DARS1: variants seen among roughly 807,000 people sequenced by gnomAD.
The protein encoded by DARS1 is aspartyl-tRNA synthetase 1.
A neutral mutation model predicts 68.8 loss-of-function variants in DARS1; 51 were observed. The ratio of observed to expected loss-of-function variants is 0.74; its 90% CI spans 0.59 to 0.94. The LOEUF is 0.94. Among genes scored for constraint, DARS1 ranks in the 40% least tolerant of loss-of-function variants. DARS1 has a pLI of 0.00. For synonymous variants in DARS1, 203 were observed against 190.4 expected (o/e 1.07, Z -0.55); for missense variants, 607 against 597.3 (o/e 1.02, Z -0.17).
chr2:135,965,609 C>T (rs892195550), intron 3 of DARS1, among the ~76,000 whole-genome samples: 2 of 152,166 alleles, frequency 1.3e-5, no homozygotes, highest in African/African-American at 4.8e-5. Flanking sequence ...AATCGTAAAA[C>T]CGTTCCTTTA....
At chr2:135,915,638 C>G (rs1215700381) in intron 11 of DARS1, among the ~76,000 whole-genome samples, 1 of 151,914 alleles carries the variant, frequency 6.6e-6, no homozygotes, top group African/African-American at 2.4e-5. Context: ...GTCGTATGAT[C>G]TAAATTTAGA....
At chr2:135,952,560 C>G (rs567520443) in intron 4 of DARS1, among the ~76,000 whole-genome samples, 7 of 152,166 alleles carry the variant, frequency 4.6e-5, no homozygotes, top group African/African-American at 1.7e-4. Context: ...CTCCCTCATC[C>G]CCCTCTGCCC....
At chr2:135,961,638 T>C (rs898435807) in intron 3 of DARS1, 140 bp from the exon 4 acceptor site, 19 of 539,400 alleles carry the variant, frequency 3.5e-5, no homozygotes, top group Non-Finnish European at 4.7e-5. Context: ...ATACTATCCA[T>C]TTGGCTTCCA....
chr2:135,927,907 G>T (rs1054776222), intron 7 of DARS1, among the ~76,000 whole-genome samples: 1 of 152,206 alleles, frequency 6.6e-6, no homozygotes, highest in Middle Eastern at 3.4e-3. Flanking sequence ...GAAATAAAGG[G>T]AAAAACAATA....
intron 7 of DARS1, among the ~76,000 whole-genome samples, chr2:135,924,939 TACA>T (rs1681181827): frequency 6.6e-6 from 1 of 152,140 alleles, no homozygotes; most frequent in Non-Finnish European, 1.5e-5. Flanking sequence ...TTTTAACCAT[TACA>T]ACAATACAAT....
intron 15 of DARS1, among the ~76,000 whole-genome samples, chr2:135,907,868 A>G (rs1373061134): frequency 6.6e-6 from 1 of 152,188 alleles, no homozygotes; most frequent in Non-Finnish European, 1.5e-5. Context: ...CCCTACGATA[A>G]AAAGCTCTGG....
intron 4 of DARS1, among the ~76,000 whole-genome samples, chr2:135,959,789 G>C (rs1307121550): frequency 3.9e-5 from 6 of 152,170 alleles, no homozygotes; most frequent in Admixed American, 3.9e-4. Context: ...TCCACTGGAA[G>C]CTTTAGGAAT....
chr2:135,948,500 C>A (rs992265564), intron 4 of DARS1, among the ~76,000 whole-genome samples: 1 of 152,120 alleles, frequency 6.6e-6, no homozygotes, highest in African/African-American at 2.4e-5. Flanking sequence ...GACCAGAGCA[C>A]GTGCTAAATA....
Position 135,983,427 on chromosome 2 carries a change from A to G in DARS1, c.94T>C (p.Ser32Pro). 1.6e-6 allele frequency: 2 copies of G among 1,227,026 alleles called. No individual in the cohort carries two copies. The highest frequency in any genetic ancestry group is 2.4e-6 in the Non-Finnish European group (2 of 834,106). 76.0% of individuals were successfully genotyped at this position (1,227,026 alleles called of 1,614,324 possible). A position where few individuals can be genotyped will look rare whatever the true frequency, so the allele number is the denominator to read the frequency against. Residue 32 changes from serine to proline, a missense_variant, in exon 2 of 16, where the codon TCT becomes CCT. Transcript: ENST00000264161. ...TTTTCTTGTGATTGTATCATTGAAG[A>G]TATTCCATATCTCTCTTTAGCATAA... is the stretch of plus-strand genomic sequence containing the variant. ...EDYAKERYGISSMIQSQEKPD... is the reference protein window; with the variant it reads ...EDYAKERYGIPSMIQSQEKPD...
At chr2:135,907,966 T>C (rs371568841) in intron 15 of DARS1, among the ~76,000 whole-genome samples, 9 of 152,204 alleles carry the variant, frequency 5.9e-5, no homozygotes, top group South Asian at 2.1e-4. Context: ...CTCCTTTCAA[T>C]TGATTCTATG....
chr2:135,928,971 T>A lies in DARS1; in HGVS notation c.564+3812A>T, dbSNP rs116114585. ...TCCAAGCTGTCTGCAATTGCTATTA[T>A]ATTACATATAATAACAACTGCAACA... On this transcript the variant is annotated intron_variant, in intron 7 of 15. Transcript: ENST00000264161. Among the ~76,000 whole-genome samples, 1,277 of 152,340 alleles carry A rather than the reference T, an allele frequency of 8.4e-3. 14 individuals carry two copies. Among genetic ancestry groups the A allele is most frequent in the African/African-American group, 0.027 (1,133 of 41,580 alleles).
chr2:135,975,106 A>C (rs1382009096), intron 3 of DARS1, among the ~76,000 whole-genome samples: 1 of 152,182 alleles, frequency 6.6e-6, no homozygotes, highest in Non-Finnish European at 1.5e-5. Context: ...GCACTTTGGG[A>C]GGCTGAGGTG....
intron 2 of DARS1, among the ~76,000 whole-genome samples, chr2:135,982,575 G>A (rs1419768093): frequency 5.3e-5 from 8 of 149,780 alleles, no homozygotes; most frequent in African/African-American, 2.0e-4. Flanking sequence ...CAGCCTGGGC[G>A]ACAGAGCGAG....
At chr2:135,930,204 C>T (rs1458655940) in intron 7 of DARS1, among the ~76,000 whole-genome samples, 1 of 152,116 alleles carries the variant, frequency 6.6e-6, no homozygotes, top group Non-Finnish European at 1.5e-5. Flanking sequence ...GCTCAGATAG[C>T]TATTTTCTTA....
At chr2:135,977,149 T>A (rs1295540658) in intron 3 of DARS1, among the ~76,000 whole-genome samples, 1 of 152,176 alleles carries the variant, frequency 6.6e-6, no homozygotes, top group African/African-American at 2.4e-5. Context: ...ATGACTCAAT[T>A]ATCGAAGGCT....
At position 135,906,207 on chromosome 2, in the gene DARS1, C is replaced by A. The variant is rs1680776699; in HGVS notation, c.*1109G>T. On this transcript the variant is annotated 3_prime_UTR_variant, in exon 16 of 16. Transcript: ENST00000264161. ...CAGGGGTAACTTCCTAACTTTTTGACCCTCATATTTTTCTGCATGTAATTT... is the reference window on the plus strand; with the variant it reads ...CAGGGGTAACTTCCTAACTTTTTGAACCTCATATTTTTCTGCATGTAATTT... Among the ~76,000 whole-genome samples, 1 of 152,110 alleles carries A rather than the reference C, an allele frequency of 6.6e-6. No homozygotes were observed. Among genetic ancestry groups the A allele is most frequent in the African/African-American group, 2.4e-5 (1 of 41,424 alleles).
chr2:135,948,115 C>T (rs940223807), intron 4 of DARS1, among the ~76,000 whole-genome samples: 1 of 152,138 alleles, frequency 6.6e-6, no homozygotes, highest in Non-Finnish European at 1.5e-5. Flanking sequence ...TTAGCATTAT[C>T]CAAATTTTCA....
At position 135,985,091 on chromosome 2, in the gene DARS1, G is replaced by A; in HGVS notation, c.66+312C>T. Reference sequence around the variant, plus strand: ...GGATTGTGCATTACGTGCAGGACGTGCCTAACCCAGAGAGACTCAAGTGTG... The same window carrying A: ...GGATTGTGCATTACGTGCAGGACGTACCTAACCCAGAGAGACTCAAGTGTG... On this transcript the variant is annotated intron_variant, in intron 1 of 15. Transcript: ENST00000264161. 2 of 453,806 alleles carry A rather than the reference G, an allele frequency of 4.4e-6. 1 individual carries two copies. The highest frequency in any genetic ancestry group is 7.4e-5 in the South Asian group (2 of 26,928). The allele number at this position is 453,806 out of a possible 1,614,324, so 28.1% of individuals were successfully genotyped here.
chr2:135,978,986 T>TTA, intron 3 of DARS1: 1 of 242,710 alleles, frequency 4.1e-6, no homozygotes. Flanking sequence ...TTTTTTTTTT[T>TTA]AGCTACTCCT....
Sources: gnomAD v4.1 joint callset for allele counts (sites outside exome capture counted in the v4.1 genomes callset) on GRCh38, gnomAD v4.1.1 for gene constraint, MANE v1.5 for transcripts, NCBI Gene and HGNC (gene_info 2026-07-23, HGNC 2026-07-21) for gene names.